The following PDZRN4 variants were observed in gnomAD, a reference collection of about 807,000 sequenced individuals.
PDZRN4 encodes the protein PDZ domain-containing RING finger protein 4.
In PDZRN4, 70 loss-of-function variants were observed where a neutral mutation model predicts 99.0. That is an observed-to-expected ratio of 0.71 (90% CI 0.58 to 0.86). The LOEUF (loss-of-function observed/expected upper bound fraction) is 0.86. PDZRN4 is among the 40% of genes least tolerant of loss of function. The probability of loss-of-function intolerance (pLI) is 0.00; values close to 1 mark genes in which losing one functional copy is unlikely to be tolerated. For missense variants in PDZRN4, 1,474 were observed against 1,331.2 expected (o/e 1.11, Z -1.67); for synonymous variants, 551 against 501.6 (o/e 1.10, Z -1.32).
intron 3 of PDZRN4, among the ~76,000 whole-genome samples, chr12:41,225,990 C>G (rs1424044469): frequency 6.6e-6 from 1 of 152,052 alleles, no homozygotes; most frequent in Admixed American, 6.6e-5. Flanking sequence ...TCCAGGCATT[C>G]TTTCCGGTCA....
chr12:41,357,003 T>C (rs1394174797), intron 3 of PDZRN4, among the ~76,000 whole-genome samples: 1 of 152,028 alleles, frequency 6.6e-6, no homozygotes, highest in African/African-American at 2.4e-5. Flanking sequence ...CAAGCTGTTT[T>C]CAGAGGAGAA....
At chr12:41,205,989 T>C (rs1049672526) in intron 3 of PDZRN4, among the ~76,000 whole-genome samples, 42 of 152,096 alleles carry the variant, frequency 2.8e-4, no homozygotes, top group African/African-American at 9.6e-4. Context: ...AACACTGTGC[T>C]TGTGATGTCC....
At chr12:41,344,669 C>A (rs1951840143) in intron 3 of PDZRN4, among the ~76,000 whole-genome samples, 1 of 150,646 alleles carries the variant, frequency 6.6e-6, no homozygotes, top group Non-Finnish European at 1.5e-5. Flanking sequence ...TGAAGCTGAT[C>A]TGTTTTTAAA....
At position 41,208,020 on chromosome 12, in the gene PDZRN4, A is replaced by T. The variant is rs184589303; in HGVS notation, c.843+13832A>T. On this transcript the variant is annotated intron_variant, in intron 3 of 9. Coordinates refer to ENST00000402685, the MANE Select transcript of PDZRN4 (RefSeq NM_001164595.2). ...TCTTATGGCACTTGGAGTTTGTAATAGCTTTCATTATTGAAAGATCCTGAA... is the reference window on the plus strand; with the variant it reads ...TCTTATGGCACTTGGAGTTTGTAATTGCTTTCATTATTGAAAGATCCTGAA... 1.5e-3 allele frequency among the ~76,000 whole-genome samples: 227 copies of T among 151,918 alleles called. 1 individual carries two copies. The highest frequency in any genetic ancestry group is 5.6e-3 in the South Asian group (27 of 4,824).
chr12:41,509,480 C>G (rs908144162), intron 4 of PDZRN4: 2 of 164,790 alleles, frequency 1.2e-5, no homozygotes, highest in African/African-American at 4.8e-5. Flanking sequence ...ACGTATGGAG[C>G]TTGTCACATT....
intron 3 of PDZRN4, among the ~76,000 whole-genome samples, chr12:41,473,077 G>A (rs960242828): frequency 6.6e-6 from 1 of 151,956 alleles, no homozygotes; most frequent in Non-Finnish European, 1.5e-5. Flanking sequence ...CTCTTAAGTT[G>A]GGTAAGATAT....
At chr12:41,303,444 T>C (rs1951550461) in intron 3 of PDZRN4, among the ~76,000 whole-genome samples, 1 of 152,148 alleles carries the variant, frequency 6.6e-6, no homozygotes, top group Non-Finnish European at 1.5e-5. Context: ...CTTTTGCATC[T>C]CTGCATAGGC....
At chr12:41,378,781 C>T (rs1252601888) in intron 3 of PDZRN4, among the ~76,000 whole-genome samples, 7 of 152,212 alleles carry the variant, frequency 4.6e-5, no homozygotes, top group South Asian at 2.1e-4. Flanking sequence ...CCTCAGCCTC[C>T]GAAAGTGCTG....
At chr12:41,225,671 G>A (rs1025422038) in intron 3 of PDZRN4, among the ~76,000 whole-genome samples, 32 of 152,046 alleles carry the variant, frequency 2.1e-4, no homozygotes, top group African/African-American at 7.7e-4. Flanking sequence ...AAGATGTTAA[G>A]AGACAACTGA....
chr12:41,211,845 G>T (rs898730922), intron 3 of PDZRN4, among the ~76,000 whole-genome samples: 1 of 151,914 alleles, frequency 6.6e-6, no homozygotes, highest in African/African-American at 2.4e-5. Flanking sequence ...AACCCATCAC[G>T]AGGCATTTAA....
intron 3 of PDZRN4, among the ~76,000 whole-genome samples, chr12:41,454,615 C>T (rs1256746138): frequency 2.0e-5 from 3 of 152,198 alleles, no homozygotes; most frequent in Non-Finnish European, 4.4e-5. Flanking sequence ...AAACATTCTT[C>T]CGGTGTGACA....
At position 41,517,894 on chromosome 12, in the gene PDZRN4, C is replaced by T. The variant is rs551508065; in HGVS notation, c.1203+7981C>T. Among the ~76,000 whole-genome samples the T allele has an allele frequency of 2.0e-5, 3 of 152,066 alleles. No individual in the cohort carries two copies. The South Asian group carries it at 6.2e-4, about 32-fold the overall frequency. On this transcript the variant is annotated intron_variant, in intron 5 of 9. Coordinates refer to ENST00000402685, the MANE Select transcript of PDZRN4 (RefSeq NM_001164595.2). ...ACTGGTATCAAGTAGCACACCTCTC[C>T]GTATTATCTCTGACTTTAGCTTTAG...
intron 5 of PDZRN4, among the ~76,000 whole-genome samples, chr12:41,539,487 A>G (rs952416226): frequency 1.7e-4 from 26 of 152,114 alleles, no homozygotes; most frequent in Non-Finnish European, 1.5e-4. Flanking sequence ...TATTACATTC[A>G]TAGGATCTTG....
chr12:41,552,905 A>G, intron 6 of PDZRN4, 151 bp downstream of exon 6: 1 of 580,284 alleles, frequency 1.7e-6, no homozygotes, highest in Non-Finnish European at 3.1e-6. Context: ...CAATTAGGAA[A>G]GTAAATTATT....
intron 3 of PDZRN4, among the ~76,000 whole-genome samples, chr12:41,250,587 T>A (rs1951162631): frequency 6.6e-6 from 1 of 152,222 alleles, no homozygotes; most frequent in East Asian, 1.9e-4. Flanking sequence ...TTTTACATTA[T>A]TAACTGGAGA....
chr12:41,492,502 G>A (rs1937907653), intron 3 of PDZRN4, among the ~76,000 whole-genome samples: 1 of 152,168 alleles, frequency 6.6e-6, no homozygotes, highest in Non-Finnish European at 1.5e-5. Context: ...AAGGAAGAGC[G>A]TGTTTTAACT....
chr12:41,489,553 A>T (rs1423878039), intron 3 of PDZRN4, among the ~76,000 whole-genome samples: 2 of 152,138 alleles, frequency 1.3e-5, no homozygotes, highest in Non-Finnish European at 2.9e-5. Flanking sequence ...AGCACTTTAC[A>T]TGCAGTGTTT....
intron 3 of PDZRN4, among the ~76,000 whole-genome samples, chr12:41,319,097 C>A (rs534731514): frequency 3.3e-5 from 5 of 152,268 alleles, no homozygotes; most frequent in African/African-American, 1.2e-4. Context: ...ATGCTTCAGA[C>A]CTCACTAGTA....
At chr12:41,389,991 T>C (rs1199302140) in intron 3 of PDZRN4, among the ~76,000 whole-genome samples, 2 of 152,200 alleles carry the variant, frequency 1.3e-5, no homozygotes, top group Non-Finnish European at 2.9e-5. Flanking sequence ...GGACAGATTA[T>C]TCTTAAAATA....
Sources: allele counts gnomAD v4.1 joint callset (sites outside exome capture counted in the v4.1 genomes callset), GRCh38; gene constraint gnomAD v4.1.1; transcripts MANE v1.5; gene names NCBI Gene and HGNC (gene_info 2026-07-23, HGNC 2026-07-21).